BMI1: variants seen among roughly 807,000 people sequenced by gnomAD.
The protein encoded by BMI1 is polycomb complex protein BMI-1.
A neutral mutation model predicts 39.1 loss-of-function variants in BMI1; 9 were observed. The observed-to-expected ratio is 0.23, with a 90% CI of 0.14 to 0.40. The LOEUF is 0.40. Among genes scored for constraint, BMI1 ranks in the 10% least tolerant of loss-of-function variants. The pLI is 1.00. For missense variants in BMI1, 252 were observed against 390.8 expected (o/e 0.64, Z 2.99); for synonymous variants, 131 against 127.9 (o/e 1.02, Z -0.16).
In BMI1 at chr10:22,327,956, A is replaced by G. The variant is rs757918929; in HGVS notation, c.323A>G (p.Asn108Ser). 8.1e-6 allele frequency: 13 copies of G among 1,598,434 alleles called. No homozygotes were observed. The highest frequency in any genetic ancestry group is 3.6e-5 in the Admixed American group (2 of 55,940). Residue 108 changes from asparagine to serine, a missense_variant, in exon 6 of 10, where the codon AAT (asparagine) becomes AGT (serine). Physicochemically the swap from Asn to Ser is conservative, Grantham distance 46. Around this residue, in one of 4 missense-constraint regions of BMI1, gnomAD observed 67 missense variants for 69.9 expected, o/e 0.96. Transcript: ENST00000376663. ...YAAHPSADAA[N>S]GSNEDRGEVA... The stretch of plus-strand genomic sequence containing the variant: ...TTTCACTATATCGTTATAGCTGCCA[A>G]TGGCTCTAATGAAGATAGAGGAGAG...
rs1163135526 is a variant in BMI1, at chr10:22,321,705, G to A, written c.-20+9G>A. The A allele has an allele frequency of 6.6e-6, 1 of 150,932 alleles. No homozygotes were observed. Among genetic ancestry groups the A allele is most frequent in the Non-Finnish European group, 1.5e-5 (1 of 67,520 alleles). The allele number at this position is 150,932 out of a possible 1,614,324, so 9.3% of individuals were successfully genotyped here. A position where few individuals can be genotyped will look rare whatever the true frequency, so the allele number is the denominator to read the frequency against. Reference sequence around the variant, plus strand: ...CCGGCTGCTCTTTCCGGGTACGTAGGAGGCGAGGCGCCCCCGGGACGGGGC... The same window carrying A: ...CCGGCTGCTCTTTCCGGGTACGTAGAAGGCGAGGCGCCCCCGGGACGGGGC... On this transcript the variant is annotated intron_variant, in intron 1 of 9. Coordinates refer to ENST00000376663, the MANE Select transcript of BMI1 (RefSeq NM_005180.9).
intron 2 of BMI1, 152 bp downstream of exon 2, chr10:22,326,713 T>C (rs1836163063): frequency 7.5e-7 from 1 of 1,337,002 alleles, no homozygotes; most frequent in African/African-American, 1.5e-5. Context: ...GACTTTTTGT[T>C]AATATGTATT....
Position 22,329,648 on chromosome 10 carries a change from T to A in BMI1, c.*106T>A, listed in dbSNP as rs1836241519. Reference sequence around the variant, plus strand: ...TAATACATGTGACTATCGTCCAATTTGCTTTCTTTTGTAGTGACATTAAAT... The same window carrying A: ...TAATACATGTGACTATCGTCCAATTAGCTTTCTTTTGTAGTGACATTAAAT... On this transcript the variant is annotated 3_prime_UTR_variant, in exon 10 of 10. Transcript: ENST00000376663. The A allele has an allele frequency of 7.4e-7, 1 of 1,351,814 alleles. No individual in the cohort carries two copies. Among genetic ancestry groups the A allele is most frequent in the Middle Eastern group, 2.0e-4 (1 of 5,010 alleles). The allele number at this position is 1,351,814 out of a possible 1,614,324, so 83.7% of individuals were successfully genotyped here.
chr10:22,325,682 C>G (rs1240625619), intron 1 of BMI1: 3 of 149,540 alleles, frequency 2.0e-5, no homozygotes, highest in Admixed American at 1.3e-4. Context: ...GGGCTCGGGC[C>G]GGGCTCCGCG....
In BMI1 at chr10:22,331,450, C is replaced by T. The variant is rs1486075352; in HGVS notation, c.*1908C>T. On this transcript the variant is annotated 3_prime_UTR_variant, in exon 10 of 10. Coordinates refer to ENST00000376663, the MANE Select transcript of BMI1 (RefSeq NM_005180.9). ...ATTGAAAGATGTATCTGTTTATTTA[C>T]AGTCTTTGAAGTAAAAGTTACCAAT... The T allele has an allele frequency of 1.3e-5, 2 of 152,092 alleles. No homozygotes were observed. The highest frequency in any genetic ancestry group is 4.8e-5 in the African/African-American group (2 of 41,438). 9.4% of individuals were successfully genotyped at this position (152,092 alleles called of 1,614,324 possible). A position where few individuals can be genotyped will look rare whatever the true frequency, so the allele number is the denominator to read the frequency against.
At chr10:22,328,515 ATCT>A in intron 7 of BMI1, 82 bp from the exon 8 acceptor site, 1 of 1,421,074 alleles carries the variant, frequency 7.0e-7, no homozygotes, top group Non-Finnish European at 9.4e-7. Context: ...TGATACTAGT[ATCT>A]TTTATATTCA....
intron 3 of BMI1, 110 bp from the exon 4 acceptor site, chr10:22,327,485 C>A: frequency 9.1e-7 from 1 of 1,100,066 alleles, no homozygotes. Context: ...TTATAGACAG[C>A]ATCACAATCA....
Position 22,328,689 on chromosome 10 carries a change from T to C in BMI1, c.561T>C (p.Asn187=). The C allele has an allele frequency of 6.3e-7, 1 of 1,588,634 alleles. No homozygotes were observed. Among genetic ancestry groups the C allele is most frequent in the Non-Finnish European group, 8.6e-7 (1 of 1,169,564 alleles). ...KFLRSKMDIP[N]TFQIDVMYEE... is the part of the protein sequence containing the mutation. Reference sequence around the variant, plus strand: ...TCAGAAGTAAAATGGACATACCTAATACTTTCCAGGTATCTACTTTTATAT... The same window carrying C: ...TCAGAAGTAAAATGGACATACCTAACACTTTCCAGGTATCTACTTTTATAT... The change falls in exon 8 of 10, where the codon AAT becomes AAC. Residue 187 remains asparagine, a synonymous_variant. Coordinates refer to ENST00000376663, the MANE Select transcript of BMI1 (RefSeq NM_005180.9).
intron 5 of BMI1, 66 bp from the exon 6 acceptor site, chr10:22,327,884 C>T (rs1238512467): frequency 2.1e-5 from 33 of 1,585,352 alleles, no homozygotes; most frequent in African/African-American, 8.2e-5. Context: ...CCACTTCCAT[C>T]CTCTTATATA....
chr10:22,323,308 A>G (rs1836054264), intron 1 of BMI1, among the ~76,000 whole-genome samples: 1 of 152,226 alleles, frequency 6.6e-6, no homozygotes, highest in South Asian at 2.1e-4. Context: ...CATCTACCCC[A>G]AAGTGTAGTC....
intron 1 of BMI1, among the ~76,000 whole-genome samples, chr10:22,325,402 C>A (rs973640060): frequency 5.9e-5 from 9 of 152,280 alleles, no homozygotes; most frequent in Admixed American, 2.0e-4. Flanking sequence ...TGAAAAGAGG[C>A]CCCCGGAGTG....
rs761258396 is a variant in BMI1, at chr10:22,328,171, A to AAGG, written c.470_471+1dup. 6.2e-7 allele frequency: 1 copy of AAGG among 1,600,148 alleles called. No homozygotes were observed. The highest frequency in any genetic ancestry group is 1.1e-5 in the South Asian group (1 of 87,562). On this transcript the variant is annotated inframe_insertion, in exon 7 of 10. Transcript: ENST00000376663. Reference sequence around the variant, plus strand: ...AGTAAACAAAGACAAAGAGAAATCTAAGGAGGAGGTATGTTTCATGTTACA... The same window carrying AAGG: ...AGTAAACAAAGACAAAGAGAAATCTAAGGAGGAGGAGGTATGTTTCATGTTACA...
At chr10:22,328,092 G>A (rs1836199288) in intron 6 of BMI1, 34 bp downstream of exon 6, 10 of 1,594,366 alleles carry the variant, frequency 6.3e-6, no homozygotes, top group African/African-American at 2.7e-5. Context: ...TTATGCTAAT[G>A]TTTTATTAGA....
In BMI1 at chr10:22,326,546, G is replaced by GA; in HGVS notation, c.99dup (p.Cys34MetfsTer7). The GA allele has an allele frequency of 6.2e-7, 1 of 1,612,354 alleles. No individual in the cohort carries two copies. Among genetic ancestry groups the GA allele is most frequent in the Non-Finnish European group, 8.5e-7 (1 of 1,179,304 alleles). The stretch of plus-strand genomic sequence containing the variant: ...CTTCATTGATGCCACAACCATAATA[G>GA]AATGTCTACATTCCTGTAAGTACCG... On this transcript the variant is annotated frameshift_variant, in exon 2 of 10. Transcript: ENST00000376663. LOFTEE classifies it high-confidence loss of function.
In BMI1 at chr10:22,326,863, A is replaced by G. The variant is rs1210861625; in HGVS notation, c.113-27A>G. ...ATTTATCCACTCATTTCTAAACATA[A>G]AAAAACTTCACATGTTCTACTTCTA... On this transcript the variant is annotated intron_variant, in intron 2 of 9. Coordinates refer to ENST00000376663, the MANE Select transcript of BMI1 (RefSeq NM_005180.9). 3.7e-6 allele frequency: 6 copies of G among 1,610,416 alleles called. No homozygotes were observed. In the Admixed American group the frequency reaches 1.0e-4, roughly 27 times the overall value.
At position 22,329,790 on chromosome 10, in the gene BMI1, G is replaced by A. The variant is rs1289707171; in HGVS notation, c.*248G>A. On this transcript the variant is annotated 3_prime_UTR_variant, in exon 10 of 10. Transcript: ENST00000376663. ...CAGGCAAGACTTTTTCTCTGTGTTA[G>A]GAAAGATGGGAAATGGTTTCTGTAA... 2.1e-6 allele frequency: 1 copy of A among 470,190 alleles called. No homozygotes were observed. The highest frequency in any genetic ancestry group is 3.8e-5 in the East Asian group (1 of 26,410). 29.1% of individuals were successfully genotyped at this position (470,190 alleles called of 1,614,324 possible). A position where few individuals can be genotyped will look rare whatever the true frequency, so the allele number is the denominator to read the frequency against.
chr10:22,327,225 C>T (rs1303125644), intron 3 of BMI1, among the ~76,000 whole-genome samples: 1 of 152,000 alleles, frequency 6.6e-6, no homozygotes, highest in East Asian at 1.9e-4. Context: ...CCTTTAAAAA[C>T]TGAGTTAGTT....
At chr10:22,327,308 T>G (rs1351452516) in intron 3 of BMI1, among the ~76,000 whole-genome samples, 1 of 152,196 alleles carries the variant, frequency 6.6e-6, no homozygotes, top group African/African-American at 2.4e-5. Context: ...CCATTCCTCT[T>G]TATTCCCTAT....
rs377124330 is a variant in BMI1, at chr10:22,321,390, C to CGAG, written c.-309_-307dup. 62 of 159,138 alleles carry CGAG rather than the reference C, an allele frequency of 3.9e-4. No homozygotes were observed. Among genetic ancestry groups the CGAG allele is most frequent in the Non-Finnish European group, 3.3e-4 (24 of 73,324 alleles). 9.9% of individuals were successfully genotyped at this position (159,138 alleles called of 1,614,324 possible). The stretch of plus-strand genomic sequence containing the variant: ...CGGAGCGGGAGGAGGCGGCGGCGGC[C>CGAG]GAGGAGGAGGAGGAGGAGGCCCCGG... On this transcript the variant is annotated 5_prime_UTR_variant, in exon 1 of 10. Transcript: ENST00000376663.
Sources: allele counts gnomAD v4.1 joint callset (sites outside exome capture counted in the v4.1 genomes callset), GRCh38; gene constraint gnomAD v4.1.1; regional missense constraint gnomAD v4.1.1; transcripts MANE v1.5; gene names NCBI Gene and HGNC (gene_info 2026-07-23, HGNC 2026-07-21).